The following GARIN6 variants were observed in gnomAD, a reference collection of about 807,000 sequenced individuals.
GARIN6 encodes golgi associated RAB2 interactor family member 6.
At chr12:99,648,465 T>C in the GARIN6 span, 2 of 1,614,156 alleles carry the variant, frequency 1.2e-6, no homozygotes, top group Non-Finnish European at 1.7e-6. Flanking sequence ...TCTGTGACAA[T>C]GCCAGGTGTG....
the GARIN6 span, among the ~76,000 whole-genome samples, chr12:99,648,962 G>A: frequency 6.6e-6 from 1 of 152,152 alleles, no homozygotes. Flanking sequence ...GGTTCCTAGT[G>A]CTTCTCCAGG....
the GARIN6 span, chr12:99,649,168 T>G: frequency 1.3e-6 from 1 of 796,602 alleles, no homozygotes; most frequent in Non-Finnish European, 2.1e-6. Flanking sequence ...CTTATATACA[T>G]TGGTGGCAAC....
the GARIN6 span, chr12:99,648,088 A>G: frequency 6.6e-7 from 1 of 1,521,306 alleles, no homozygotes. Context: ...CACCTGCCAG[A>G]GTAGCCAAGG....
At chr12:99,648,542 T>G in the GARIN6 span, 1 of 1,614,132 alleles carries the variant, frequency 6.2e-7, no homozygotes, top group Non-Finnish European at 8.5e-7. Flanking sequence ...CTGCTTCCCT[T>G]GATGTTTGTG....
the GARIN6 span, chr12:99,648,338 A>G: frequency 6.2e-7 from 1 of 1,614,170 alleles, no homozygotes; most frequent in Non-Finnish European, 8.5e-7. Flanking sequence ...CAGATCAGCA[A>G]AAGAGGAGAA....
chr12:99,648,107 T>C, the GARIN6 span: 1 of 1,543,400 alleles, frequency 6.5e-7, no homozygotes. Context: ...GGAAACAGGA[T>C]GCCCGCTAAA....
At chr12:99,648,837 G>A in the GARIN6 span, 6 of 1,558,280 alleles carry the variant, frequency 3.9e-6, no homozygotes, top group Non-Finnish European at 5.2e-6. Flanking sequence ...TTGGGGGAGA[G>A]CAGGTACAGG....
the GARIN6 span, chr12:99,649,480 G>C: frequency 4.5e-6 from 5 of 1,121,970 alleles, no homozygotes; most frequent in East Asian, 2.4e-5. Flanking sequence ...CTGATGAAGG[G>C]GCAGGGTAGC....
the GARIN6 span, chr12:99,649,520 C>CCGAGATCTA: frequency 4.2e-6 from 3 of 716,306 alleles, no homozygotes; most frequent in South Asian, 1.8e-5. Flanking sequence ...GTAAGCACCA[C>CCGAGATCTA]CACAGGTACC....
At chr12:99,649,644 TC>T in the GARIN6 span, 1 of 441,428 alleles carries the variant, frequency 2.3e-6, no homozygotes, top group Non-Finnish European at 4.1e-6. Flanking sequence ...AGTGGGTGCT[TC>T]CATGTCTTAA....
At chr12:99,648,939 G>C in the GARIN6 span, 2 of 1,123,982 alleles carry the variant, frequency 1.8e-6, no homozygotes, top group South Asian at 3.4e-5. Flanking sequence ...TGGAGGCCAT[G>C]GTACATTGAG....
At chr12:99,648,156 T>C in the GARIN6 span, 3 of 1,588,362 alleles carry the variant, frequency 1.9e-6, no homozygotes, top group South Asian at 3.3e-5. Flanking sequence ...CTGGGAACTG[T>C]CTTGATTTAA....
chr12:99,649,467 T>C, the GARIN6 span: 1 of 1,274,414 alleles, frequency 7.8e-7, no homozygotes, highest in African/African-American at 1.5e-5. Context: ...AAACCTATAG[T>C]GCCTGATGAA....
At chr12:99,648,816 G>T in the GARIN6 span, 1 of 1,588,080 alleles carries the variant, frequency 6.3e-7, no homozygotes, top group Non-Finnish European at 8.6e-7. Context: ...ACTAGATGGG[G>T]CCTGGATGCT....
chr12:99,650,076 AT>A, the GARIN6 span: 3 of 152,490 alleles, frequency 2.0e-5, no homozygotes, highest in Admixed American at 2.0e-4. Flanking sequence ...CATATGCTCT[AT>A]TGACAGGAAG....
the GARIN6 span, chr12:99,649,373 A>G: frequency 1.9e-6 from 3 of 1,614,032 alleles, no homozygotes; most frequent in South Asian, 1.1e-5. Flanking sequence ...GGGTCCACCT[A>G]TTGTGATTAT....
the GARIN6 span, among the ~76,000 whole-genome samples, chr12:99,649,085 A>C: frequency 6.6e-6 from 1 of 152,224 alleles, no homozygotes; most frequent in Non-Finnish European, 1.5e-5. Context: ...CATCCTGACC[A>C]GTCTATTCTG....
At chr12:99,648,342 A>C in the GARIN6 span, 1 of 1,614,132 alleles carries the variant, frequency 6.2e-7, no homozygotes, top group Non-Finnish European at 8.5e-7. Context: ...TCAGCAAAAG[A>C]GGAGAAGTGA....
At chr12:99,648,614 C>G in the GARIN6 span, 3 of 1,614,210 alleles carry the variant, frequency 1.9e-6, no homozygotes, top group Non-Finnish European at 2.5e-6. Flanking sequence ...ACGGGCCGCT[C>G]TTTTTATCTT....
Sources: allele counts gnomAD v4.1 joint callset (sites outside exome capture counted in the v4.1 genomes callset), GRCh38; gene constraint gnomAD v4.1.1; transcripts MANE v1.5; gene names NCBI Gene and HGNC (gene_info 2026-07-23, HGNC 2026-07-21).